DOCK2: variants seen among roughly 807,000 people sequenced by gnomAD.
The protein encoded by DOCK2 is dedicator of cytokinesis 2, also known as dedicator of cytokinesis protein 2.
Under a neutral mutation model 248.9 loss-of-function variants are expected in DOCK2, and 87 were observed. That is an observed-to-expected ratio of 0.35 (90% CI 0.29 to 0.42). The LOEUF (loss-of-function observed/expected upper bound fraction) is 0.42, where lower values mean the gene tolerates loss of function less well. Among genes scored for constraint, DOCK2 ranks in the 10% least tolerant of loss-of-function variants. DOCK2 has a pLI of 1.00. For synonymous variants in DOCK2, 805 were observed against 821.6 expected, an observed-to-expected ratio of 0.98 and a Z score of 0.35; for missense variants, 1,747 against 2,300.2, an observed-to-expected ratio of 0.76 and a Z score of 4.92.
At chr5:170,018,489 C>G (rs1207347517) in intron 32 of DOCK2, among the ~76,000 whole-genome samples, 3 of 152,236 alleles carry the variant, frequency 2.0e-5, no homozygotes, top group African/African-American at 7.2e-5. Flanking sequence ...CCCCGTTCCA[C>G]TGACCACACT....
intron 22 of DOCK2, among the ~76,000 whole-genome samples, chr5:169,730,362 A>G (rs1762706075): frequency 2.6e-5 from 4 of 152,192 alleles, no homozygotes; most frequent in Admixed American, 2.6e-4. Context: ...TCACAGGGTG[A>G]AGCTTTTCAG....
At chr5:170,048,690 T>C (rs1756804004) in intron 40 of DOCK2, among the ~76,000 whole-genome samples, 1 of 152,204 alleles carries the variant, frequency 6.6e-6, no homozygotes, top group Admixed American at 6.5e-5. Context: ...TTTCATGTTA[T>C]TGTGAAAACA....
At chr5:170,024,924 C>A (rs1311230517) in intron 33 of DOCK2, among the ~76,000 whole-genome samples, 1 of 152,148 alleles carries the variant, frequency 6.6e-6, no homozygotes, top group Admixed American at 6.6e-5. Flanking sequence ...CTTTTGTGAT[C>A]CTGAGACAAG....
chr5:169,673,387 A>G (rs1395384679), intron 5 of DOCK2, among the ~76,000 whole-genome samples: 1 of 151,914 alleles, frequency 6.6e-6, no homozygotes, highest in Non-Finnish European at 1.5e-5. Flanking sequence ...TCAAGTGTGT[A>G]TATATATATA....
At chr5:170,028,756 C>T (rs1194338514) in intron 34 of DOCK2, among the ~76,000 whole-genome samples, 1 of 151,920 alleles carries the variant, frequency 6.6e-6, no homozygotes, top group African/African-American at 2.4e-5. Context: ...CACACACACA[C>T]ACACACACAC....
At chr5:169,908,761 A>C (rs1201450676) in intron 27 of DOCK2, among the ~76,000 whole-genome samples, 3 of 132,962 alleles carry the variant, frequency 2.3e-5, no homozygotes, top group African/African-American at 8.7e-5. Flanking sequence ...GTCGCCCAGG[A>C]TAGAGTGCAG....
chr5:169,660,346 A>C (rs78242725), intron 2 of DOCK2, among the ~76,000 whole-genome samples: 7,845 of 152,250 alleles, frequency 0.052, 233 homozygotes, highest in South Asian at 0.1. Context: ...AAAATAAATA[A>C]ATAAACAAAC....
At chr5:169,691,168 G>A (rs2113408436) in intron 9 of DOCK2, among the ~76,000 whole-genome samples, 1 of 152,218 alleles carries the variant, frequency 6.6e-6, no homozygotes. Context: ...AGAGACACGG[G>A]GGAGGTGCTA....
At chr5:169,899,744 T>A (rs569430236) in intron 27 of DOCK2, among the ~76,000 whole-genome samples, 1 of 152,344 alleles carries the variant, frequency 6.6e-6, no homozygotes, top group East Asian at 1.9e-4. Flanking sequence ...CTTGTTGGCA[T>A]ACAAAGACTG....
intron 27 of DOCK2, among the ~76,000 whole-genome samples, chr5:169,961,338 C>T (rs542960710): frequency 9.2e-5 from 14 of 152,360 alleles, no homozygotes; most frequent in Admixed American, 2.0e-4. Flanking sequence ...ACTTGAACTA[C>T]ACTGAACAGA....
intron 25 of DOCK2, among the ~76,000 whole-genome samples, 163 bp downstream of exon 25, chr5:169,761,788 C>A (rs187604307): frequency 6.6e-6 from 1 of 152,312 alleles, no homozygotes; most frequent in African/African-American, 2.4e-5. Context: ...AAGTAGCTGA[C>A]AACTTAGATA....
chr5:169,809,807 C>T (rs966189625), intron 26 of DOCK2, among the ~76,000 whole-genome samples: 2 of 152,362 alleles, frequency 1.3e-5, no homozygotes, highest in African/African-American at 2.4e-5. Flanking sequence ...CTCACTGCGG[C>T]GGAGTGCCGT....
At chr5:169,978,798 C>T (rs1473778133) in intron 27 of DOCK2, among the ~76,000 whole-genome samples, 1 of 152,060 alleles carries the variant, frequency 6.6e-6, no homozygotes, top group Non-Finnish European at 1.5e-5. Flanking sequence ...TTAAGTAGTC[C>T]CTCATCAGCC....
chr5:169,692,360 G>A (rs545938228), intron 9 of DOCK2, among the ~76,000 whole-genome samples: 3 of 152,280 alleles, frequency 2.0e-5, no homozygotes, highest in South Asian at 2.1e-4. Context: ...CAATACTTTC[G>A]AGTTTTGTAA....
intron 2 of DOCK2, among the ~76,000 whole-genome samples, chr5:169,661,833 T>TA (rs974603268): frequency 3.3e-5 from 5 of 152,360 alleles, no homozygotes; most frequent in African/African-American, 9.6e-5. Context: ...TGTATATGTA[T>TA]ATTACAGTTT....
At chr5:169,847,613 A>C (rs1257953622) in intron 27 of DOCK2, among the ~76,000 whole-genome samples, 2 of 152,122 alleles carry the variant, frequency 1.3e-5, no homozygotes, top group African/African-American at 4.8e-5. Context: ...TCTTCTTCTT[A>C]TATCTGAGTT....
chr5:169,848,332 G>A lies in DOCK2; in HGVS notation c.2799+7480G>A, dbSNP rs1481814931. 4.6e-5 allele frequency among the ~76,000 whole-genome samples: 7 copies of A among 152,218 alleles called. No individual in the cohort carries two copies. The East Asian group carries it at 1.2e-3, about 25-fold the overall frequency. ...GTTACACTGCTGGTAGGAATAAGCA[G>A]GATGTGAACCAGGGACACCAGAGTG... is the stretch of plus-strand genomic sequence containing the variant. On this transcript the variant is annotated intron_variant, in intron 27 of 51. Transcript: ENST00000520908.
intron 14 of DOCK2, among the ~76,000 whole-genome samples, chr5:169,704,692 C>T (rs188327658): frequency 5.6e-4 from 85 of 151,978 alleles, no homozygotes; most frequent in African/African-American, 2.1e-3. Context: ...CATGGATCCC[C>T]ATCTTCCATG....
intron 30 of DOCK2, among the ~76,000 whole-genome samples, chr5:170,007,711 T>G (rs894116688): frequency 1.3e-5 from 2 of 152,204 alleles, no homozygotes; most frequent in African/African-American, 4.8e-5. Flanking sequence ...TCTATTTCAC[T>G]GCAGGCTGGT....
Sources: allele counts gnomAD v4.1 joint callset (sites outside exome capture counted in the v4.1 genomes callset), GRCh38; gene constraint gnomAD v4.1.1; transcripts MANE v1.5; gene names NCBI Gene and HGNC (gene_info 2026-07-23, HGNC 2026-07-21).